The following RYR2 variants were observed in gnomAD, a reference collection of about 807,000 sequenced individuals.
RYR2 encodes ryanodine receptor 2.
In RYR2, 227 loss-of-function variants were observed where a neutral mutation model predicts 601.1. The ratio of observed to expected loss-of-function variants is 0.38; its 90% CI spans 0.34 to 0.42. The LOEUF is 0.42. Ranked by LOEUF, RYR2 falls within the 10% of genes least tolerant of loss-of-function variation. The pLI, the probability that RYR2 is intolerant of heterozygous loss-of-function variation, is 1.00. For missense variants in RYR2, 4,646 were observed against 6,156.5 expected (o/e 0.75, Z 8.21); for synonymous variants, 2,223 against 2,175.1 (o/e 1.02, Z -0.61).
At chr1:237,745,348 T>C (rs57265579) in intron 80 of RYR2, among the ~76,000 whole-genome samples, 1,954 of 152,286 alleles carry the variant, frequency 0.013, 49 homozygotes, top group African/African-American at 0.044. Context: ...AATTATTTCA[T>C]ATAAAATTTA....
chr1:237,824,942 G>A (rs1354886806), intron 101 of RYR2, among the ~76,000 whole-genome samples: 1 of 152,038 alleles, frequency 6.6e-6, no homozygotes, highest in African/African-American at 2.4e-5. Context: ...GAATACCTAG[G>A]AATACAACTT....
In RYR2 at chr1:237,521,297, C is replaced by T. The variant is rs1420840354; in HGVS notation, c.2823-9130C>T. Among the ~76,000 whole-genome samples the T allele has an allele frequency of 2.0e-5, 3 of 152,316 alleles. No individual in the cohort carries two copies. The East Asian group carries it at 5.8e-4, about 29-fold the overall frequency. ...CCCTGATTAACATAGACACAACAGT[C>T]CTCAACAAAAATACCAGCAAACAAA... is the stretch of plus-strand genomic sequence containing the variant. On this transcript the variant is annotated intron_variant, in intron 24 of 104. Coordinates refer to ENST00000366574, the MANE Select transcript of RYR2 (RefSeq NM_001035.3).
chr1:237,054,364 G>A (rs894026208), intron 1 of RYR2, among the ~76,000 whole-genome samples: 1 of 121,188 alleles, frequency 8.3e-6, no homozygotes, highest in African/African-American at 3.1e-5. Flanking sequence ...AGGAAAAATG[G>A]TAAAAGACTG....
chr1:237,488,977 T>C (rs779021801), intron 17 of RYR2, among the ~76,000 whole-genome samples: 1 of 152,158 alleles, frequency 6.6e-6, no homozygotes, highest in Non-Finnish European at 1.5e-5. Flanking sequence ...AGCAGCCAGA[T>C]AGTTACTATT....
Position 237,674,164 on chromosome 1 carries a change from GA to G in RYR2, c.8664del (p.Ala2889HisfsTer82). On this transcript the variant is annotated frameshift_variant, in exon 59 of 105. Coordinates refer to ENST00000366574, the MANE Select transcript of RYR2 (RefSeq NM_001035.3). LOFTEE classifies it high-confidence loss of function. ...LTAKEKAKDR[E>X]KAQDILKFLQ... ...AGCCAAAGAGAAAGCCAAGGATAGA[GA>G]AAAAGCACAGGACATCCTCAAGTTC... 1 of 1,612,784 alleles carries G rather than the reference GA, an allele frequency of 6.2e-7. No homozygotes were observed. The highest frequency in any genetic ancestry group is 8.5e-7 in the Non-Finnish European group (1 of 1,178,880).
chr1:237,631,885 CCCCT>C (rs1558099299), intron 42 of RYR2, among the ~76,000 whole-genome samples: 2 of 6,556 alleles, frequency 3.1e-4, no homozygotes, highest in Non-Finnish European at 3.5e-4. Context: ...GCCTTGGCCT[CCCCT>C]CCCGAAGTGC....
In RYR2 at chr1:237,660,967, A is replaced by G; in HGVS notation, c.8436+20A>G. The G allele has an allele frequency of 1.5e-6, 2 of 1,359,534 alleles. No homozygotes were observed. Among genetic ancestry groups the G allele is most frequent in the South Asian group, 2.1e-5 (1 of 46,848 alleles). 84.2% of individuals were successfully genotyped at this position (1,359,534 alleles called of 1,614,324 possible). A position where few individuals can be genotyped will look rare whatever the true frequency, so the allele number is the denominator to read the frequency against. ...AGCCAGGTAAGAATTCATCACGGTG[A>G]TGAATCAACTGTTTATGTTATGGAT... On this transcript the variant is annotated intron_variant, in intron 56 of 104. Coordinates refer to ENST00000366574, the MANE Select transcript of RYR2 (RefSeq NM_001035.3).
chr1:237,044,879 G>A (rs76745072), intron 1 of RYR2, among the ~76,000 whole-genome samples: 2 of 150,636 alleles, frequency 1.3e-5, no homozygotes, highest in African/African-American at 4.9e-5. Context: ...CATTGAAGTC[G>A]CTTCTTTTTT....
intron 54 of RYR2, among the ~76,000 whole-genome samples, chr1:237,659,062 A>C (rs1468186214): frequency 6.6e-6 from 1 of 152,188 alleles, no homozygotes; most frequent in Non-Finnish European, 1.5e-5. Flanking sequence ...ATACTTCTAT[A>C]TTGGTTTGGC....
At chr1:237,112,340 C>A (rs1400889952) in intron 1 of RYR2, among the ~76,000 whole-genome samples, 1 of 152,156 alleles carries the variant, frequency 6.6e-6, no homozygotes, top group East Asian at 1.9e-4. Context: ...TCTCGAACTC[C>A]TGACCTCAGG....
rs373181355 is a variant in RYR2, at chr1:237,722,998, C to A, written c.10555-130C>A. The A allele has an allele frequency of 1.3e-5, 9 of 697,240 alleles. No individual in the cohort carries two copies. In the African/African-American group the frequency reaches 1.6e-4, roughly 12 times the overall value. The allele number at this position is 697,240 out of a possible 1,614,324, so 43.2% of individuals were successfully genotyped here. On this transcript the variant is annotated intron_variant, in intron 73 of 104. Transcript: ENST00000366574. Reference sequence around the variant, plus strand: ...TTCATCCTACATAACTGCAGCTGCGCGTCATGTCTTAACTGGTAAACACTG... The same window carrying A: ...TTCATCCTACATAACTGCAGCTGCGAGTCATGTCTTAACTGGTAAACACTG...
rs749869158 is a variant in RYR2 at position 237,756,435 on chromosome 1, C to T, written c.11245+48C>T. The T allele has an allele frequency of 1.1e-5, 14 of 1,255,196 alleles. No individual in the cohort carries two copies. In the South Asian group the frequency reaches 1.9e-4, roughly 17 times the overall value. The allele number at this position is 1,255,196 out of a possible 1,614,324, so 77.8% of individuals were successfully genotyped here. On this transcript the variant is annotated intron_variant, in intron 81 of 104. Transcript: ENST00000366574. The stretch of plus-strand genomic sequence containing the variant: ...CACGAGTGTCTGTTCTTCAGATTTC[C>T]TCGTTGCTCTCAAGGTCCTCCCTCA...
chr1:237,280,080 T>C (rs1361004362), intron 2 of RYR2, among the ~76,000 whole-genome samples: 2 of 152,218 alleles, frequency 1.3e-5, no homozygotes, highest in African/African-American at 4.8e-5. Flanking sequence ...TAATGGAACA[T>C]GATAGAGCAA....
At chr1:237,136,631 G>C (rs1672806550) in intron 1 of RYR2, among the ~76,000 whole-genome samples, 1 of 152,150 alleles carries the variant, frequency 6.6e-6, no homozygotes, top group Non-Finnish European at 1.5e-5. Flanking sequence ...ATTGGCAAGA[G>C]GGAGAAGGTT....
chr1:237,772,006 G>A lies in RYR2; in HGVS notation c.11558-6G>A. ...AGCATTAATAACATTTTTTTATCTT[G>A]CATAGATTTTCAGAATTATCTGAGA... On this transcript the variant is annotated splice_region_variant and splice_polypyrimidine_tract_variant and intron_variant, in intron 85 of 104. Transcript: ENST00000366574. The A allele has an allele frequency of 6.8e-7, 1 of 1,478,274 alleles. No individual in the cohort carries two copies. Among genetic ancestry groups the A allele is most frequent in the Non-Finnish European group, 9.3e-7 (1 of 1,080,564 alleles). 91.6% of individuals were successfully genotyped at this position (1,478,274 alleles called of 1,614,324 possible).
chr1:237,255,208 T>C (rs1687835995), intron 1 of RYR2, among the ~76,000 whole-genome samples: 1 of 152,242 alleles, frequency 6.6e-6, no homozygotes, highest in Non-Finnish European at 1.5e-5. Flanking sequence ...TTTTTGTTGA[T>C]GTTACTGTTT....
Position 237,362,420 on chromosome 1 carries a change from C to T in RYR2, c.295-1938C>T, listed in dbSNP as rs960201761. Among the ~76,000 whole-genome samples the T allele has an allele frequency of 9.2e-5, 14 of 152,192 alleles. No homozygotes were observed. The East Asian group carries it at 1.2e-3, about 13-fold the overall frequency. ...GCTAAACTTATTGTAAGCACAAAAA[C>T]GACATTCTCCACACCCAAAGAGGCT... is the stretch of plus-strand genomic sequence containing the variant. On this transcript the variant is annotated intron_variant, in intron 4 of 104. Coordinates refer to ENST00000366574, the MANE Select transcript of RYR2 (RefSeq NM_001035.3).
intron 36 of RYR2, among the ~76,000 whole-genome samples, chr1:237,611,798 AG>A (rs1477828831): frequency 1.3e-5 from 2 of 152,160 alleles, no homozygotes; most frequent in Non-Finnish European, 1.5e-5. Flanking sequence ...TTATATCTTT[AG>A]ATGTTCTTGG....
chr1:237,113,187 A>AT (rs1285886943), intron 1 of RYR2, among the ~76,000 whole-genome samples: 3 of 151,236 alleles, frequency 2.0e-5, no homozygotes, highest in South Asian at 2.1e-4. Flanking sequence ...TATTTATTTT[A>AT]TTTTATTTTT....
Sources: gnomAD v4.1 joint callset for allele counts (sites outside exome capture counted in the v4.1 genomes callset) on GRCh38, gnomAD v4.1.1 for gene constraint, MANE v1.5 for transcripts, NCBI Gene and HGNC (gene_info 2026-07-23, HGNC 2026-07-21) for gene names.